The following HIVEP1 variants were observed in gnomAD, a reference collection of about 807,000 sequenced individuals.
The protein encoded by HIVEP1 is HIVEP zinc finger 1, also known as zinc finger protein 40.
Under a neutral mutation model 180.0 loss-of-function variants are expected in HIVEP1, and 36 were observed. The observed-to-expected ratio is 0.20, with a 90% CI of 0.15 to 0.26. The LOEUF (loss-of-function observed/expected upper bound fraction) is 0.26, where lower values mean the gene tolerates loss of function less well. Ranked by LOEUF, HIVEP1 falls within the 10% of genes least tolerant of loss-of-function variation. The pLI is 1.00. For synonymous variants in HIVEP1, 1,239 were observed against 1,239.0 expected (o/e 1.00, Z 0.00); for missense variants, 3,143 against 3,268.7 (o/e 0.96, Z 0.94).
chr6:12,150,702 C>T (rs888898355), intron 7 of HIVEP1, among the ~76,000 whole-genome samples: 6 of 152,134 alleles, frequency 3.9e-5, no homozygotes, highest in South Asian at 4.2e-4. Context: ...ATGACACGCA[C>T]GTGACACAGT....
rs756702855 is a variant in HIVEP1 at position 12,090,247 on chromosome 6, C to T, written c.94+1010C>T. Among the ~76,000 whole-genome samples, 9 of 152,006 alleles carry T rather than the reference C, an allele frequency of 5.9e-5. No homozygotes were observed. In the East Asian group the frequency reaches 1.2e-3, roughly 20 times the overall value. On this transcript the variant is annotated intron_variant, in intron 3 of 8. Transcript: ENST00000379388. ...AGTTCTCTTTATGACATTTGTATTC[C>T]GTGATTTATTATTTATTTTGCCTTG...
rs775542073 is a variant in HIVEP1, at chr6:12,125,341, T to C, written c.5546T>C (p.Ile1849Thr). The C allele has an allele frequency of 2.7e-5, 44 of 1,614,092 alleles. No individual in the cohort carries two copies. Among genetic ancestry groups the C allele is most frequent in the Non-Finnish European group, 3.1e-5 (37 of 1,180,042 alleles). Residue 1849 changes from isoleucine (I) to threonine (T), a missense_variant, in exon 4 of 9, where the codon ATA becomes ACA. Ile to Thr is a moderately conservative substitution (Grantham distance 89). Coordinates refer to ENST00000379388, the MANE Select transcript of HIVEP1 (RefSeq NM_002114.4). ...SSTGCSKFVV[I>T]EPISELQEFE... ...ACAGGATGCTCTAAATTTGTCGTTA[T>C]AGAACCTATAAGTGAATTGCAGGAA...
intron 2 of HIVEP1, among the ~76,000 whole-genome samples, chr6:12,049,497 G>T (rs1254707493): frequency 6.6e-6 from 1 of 152,186 alleles, no homozygotes; most frequent in Non-Finnish European, 1.5e-5. Context: ...CAGTTGCTCT[G>T]CCTGATCGGA....
chr6:12,186,287 A>G, the HIVEP1 span, among the ~76,000 whole-genome samples: 1 of 150,696 alleles, frequency 6.6e-6, no homozygotes, highest in Non-Finnish European at 1.5e-5. Flanking sequence ...CATATAATTA[A>G]TAATAAAATG....
At chr6:12,102,707 A>G (rs1318146137) in intron 3 of HIVEP1, among the ~76,000 whole-genome samples, 4 of 152,234 alleles carry the variant, frequency 2.6e-5, no homozygotes, top group Non-Finnish European at 5.9e-5. Flanking sequence ...AAAAACCTCA[A>G]AGTAAAAAAC....
intron 2 of HIVEP1, among the ~76,000 whole-genome samples, chr6:12,025,034 C>T (rs1381710082): frequency 6.6e-6 from 1 of 152,234 alleles, no homozygotes; most frequent in Non-Finnish European, 1.5e-5. Flanking sequence ...CATGTTTTCT[C>T]ATTTGATTCC....
Position 12,123,530 on chromosome 6 carries a change from A to T in HIVEP1, c.3735A>T (p.Arg1245=), listed in dbSNP as rs533844032. Residue 1245 remains arginine (R), a synonymous_variant, in exon 4 of 9, where the codon CGA becomes CGT. Transcript: ENST00000379388. The part of the protein sequence containing the change: ...PEILVTEEPD[R]DLEAQCHDQE... ...TTTTGGTCACAGAAGAACCAGATCGAGACCTGGAAGCTCAATGCCATGATC... is the reference window on the plus strand; with the variant it reads ...TTTTGGTCACAGAAGAACCAGATCGTGACCTGGAAGCTCAATGCCATGATC... 1.2e-4 allele frequency: 186 copies of T among 1,614,216 alleles called. No individual in the cohort carries two copies. In the South Asian group the frequency reaches 2.0e-3, roughly 17 times the overall value.
At chr6:12,187,286 A>G in the HIVEP1 span, among the ~76,000 whole-genome samples, 1 of 152,228 alleles carries the variant, frequency 6.6e-6, no homozygotes, top group Admixed American at 6.5e-5. Flanking sequence ...TTTGATTCCA[A>G]TACTACAGGT....
At chr6:12,189,534 T>A in the HIVEP1 span, among the ~76,000 whole-genome samples, 1 of 152,176 alleles carries the variant, frequency 6.6e-6, no homozygotes. Context: ...AAAAATGTTC[T>A]ACCTCATTCA....
intron 3 of HIVEP1, among the ~76,000 whole-genome samples, chr6:12,098,721 A>G (rs1773916669): frequency 6.6e-6 from 1 of 152,226 alleles, no homozygotes; most frequent in Non-Finnish European, 1.5e-5. Context: ...AAGTGAGAGG[A>G]GGCAGATAAA....
At position 12,164,166 on chromosome 6, in the gene HIVEP1, C is replaced by T. The variant is rs1365554765; in HGVS notation, c.7862C>T (p.Ala2621Val). Residue 2621 changes from alanine (A) to valine (V), a missense_variant, in exon 9 of 9, where the codon GCA becomes GTA. Ala to Val is a moderately conservative substitution (Grantham distance 64). Coordinates refer to ENST00000379388, the MANE Select transcript of HIVEP1 (RefSeq NM_002114.4). ...AAAGTTCTGAATCCACCTGCCCCTG[C>T]AGGTGACCATGCAAGGCTTGATGGC... is the stretch of plus-strand genomic sequence containing the variant. Reference protein sequence around the residue: ...AKKVLNPPAPAGDHARLDGLS... With the variant: ...AKKVLNPPAPVGDHARLDGLS... 6.2e-6 allele frequency: 10 copies of T among 1,614,090 alleles called. No homozygotes were observed. Among genetic ancestry groups the T allele is most frequent in the Non-Finnish European group, 8.5e-6 (10 of 1,180,054 alleles).
intron 7 of HIVEP1, among the ~76,000 whole-genome samples, chr6:12,146,362 G>A (rs1344720734): frequency 6.6e-6 from 1 of 152,200 alleles, no homozygotes; most frequent in African/African-American, 2.4e-5. Context: ...AGAATTGCTT[G>A]AACCTAGGAG....
intron 2 of HIVEP1, among the ~76,000 whole-genome samples, chr6:12,017,436 A>G (rs978902334): frequency 2.0e-5 from 3 of 152,264 alleles, no homozygotes; most frequent in Non-Finnish European, 2.9e-5. Context: ...TTTATAGCTC[A>G]TAAAGGCAGT....
chr6:12,105,034 T>G (rs1286563108), intron 3 of HIVEP1, among the ~76,000 whole-genome samples: 2 of 152,244 alleles, frequency 1.3e-5, no homozygotes, highest in Non-Finnish European at 2.9e-5. Flanking sequence ...CATTTTATTT[T>G]AAAAATTATA....
intron 2 of HIVEP1, chr6:12,020,201 G>A (rs145668788): frequency 1.0e-4 from 43 of 422,940 alleles, no homozygotes; most frequent in African/African-American, 5.5e-4. Context: ...TTGGCCCAGC[G>A]TTAAACCAGA....
chr6:12,121,365 A>G lies in HIVEP1; in HGVS notation c.1570A>G (p.Asn524Asp), dbSNP rs779540772. 1.4e-5 allele frequency: 22 copies of G among 1,614,174 alleles called. No individual in the cohort carries two copies. In the East Asian group the frequency reaches 4.5e-4, roughly 33 times the overall value. Residue 524 changes from asparagine (N) to aspartate (D), a missense_variant, in exon 4 of 9, where the codon AAT (asparagine) becomes GAT (aspartate). This residue lies in a region of HIVEP1 where 365 missense variants were observed against 344.4 expected (regional missense o/e 1.06). Coordinates refer to ENST00000379388, the MANE Select transcript of HIVEP1 (RefSeq NM_002114.4). The surrounding 1 kb of genome is among the most constrained non-coding windows in gnomAD (Gnocchi z 5.3). ...QPVHIIKRMS[N>D]AETLLKSSFT... is the part of the protein sequence containing the mutation. ...TGTGCACATAATAAAGAGGATGTCA[A>G]ATGCTGAAACTTTACTAAAATCAAG...
At chr6:12,100,491 A>G (rs1406004435) in intron 3 of HIVEP1, among the ~76,000 whole-genome samples, 1 of 152,216 alleles carries the variant, frequency 6.6e-6, no homozygotes, top group Non-Finnish European at 1.5e-5. Context: ...TACTGTATAC[A>G]GTAAGAGACA....
chr6:12,197,452 G>A, the HIVEP1 span, among the ~76,000 whole-genome samples: 4 of 151,722 alleles, frequency 2.6e-5, no homozygotes, highest in Admixed American at 6.6e-5. Flanking sequence ...CCAGCTACTC[G>A]GGAGGCTGAG....
the HIVEP1 span, among the ~76,000 whole-genome samples, chr6:12,202,834 GA>G: frequency 6.6e-6 from 1 of 152,140 alleles, no homozygotes; most frequent in East Asian, 1.9e-4. Context: ...CCACGTGTCA[GA>G]AGAGTTACAG....
Sources: gnomAD v4.1 joint callset for allele counts (sites outside exome capture counted in the v4.1 genomes callset) on GRCh38, gnomAD v4.1.1 for gene constraint, gnomAD v4.1.1 regional missense constraint, Gnocchi (gnomAD v3.1) non-coding constraint, MANE v1.5 for transcripts, NCBI Gene and HGNC (gene_info 2026-07-23, HGNC 2026-07-21) for gene names.